Variants in BOLL observed in about 807,000 individuals in gnomAD.
The protein encoded by BOLL is protein boule-like.
BOLL carries 23 observed loss-of-function variants against 44.4 expected under a neutral mutation model. The observed-to-expected ratio is 0.52, with a 90% CI of 0.37 to 0.73. The LOEUF (loss-of-function observed/expected upper bound fraction) is 0.73, where lower values mean the gene tolerates loss of function less well. BOLL is among the 30% of genes least tolerant of loss of function. The probability of loss-of-function intolerance (pLI) is 0.00; values close to 1 mark genes in which losing one functional copy is unlikely to be tolerated. For missense variants in BOLL, 287 were observed against 338.3 expected (o/e 0.85, Z 1.19); for synonymous variants, 97 against 110.8 (o/e 0.88, Z 0.78).
intron 10 of BOLL, among the ~76,000 whole-genome samples, chr2:197,734,692 A>G (rs1384847662): frequency 6.6e-6 from 1 of 152,186 alleles, no homozygotes; most frequent in East Asian, 1.9e-4. Context: ...CATCATTCTC[A>G]GCAAACTATT....
Position 197,766,544 on chromosome 2 carries a change from T to G in BOLL, c.540A>C (p.Ala180=). Residue 180 remains alanine, a synonymous_variant, in exon 7 of 11, where the codon GCA becomes GCC. Coordinates refer to ENST00000392296, the MANE Select transcript of BOLL (RefSeq NM_033030.6). ...AATTTATGTTTACCTGGTAGTGATATGCAGGTTGCTGATAAATGGGCTGAG... is the reference window on the plus strand; with the variant it reads ...AATTTATGTTTACCTGGTAGTGATAGGCAGGTTGCTGATAAATGGGCTGAG... ...MVAQPIYQQP[A]YHYQATTQYL... 6.2e-7 allele frequency: 1 copy of G among 1,608,920 alleles called. No homozygotes were observed. The highest frequency in any genetic ancestry group is 8.5e-7 in the Non-Finnish European group (1 of 1,175,684).
chr2:197,762,570 A>G (rs999920170), intron 7 of BOLL, among the ~76,000 whole-genome samples: 7 of 152,220 alleles, frequency 4.6e-5, no homozygotes, highest in African/African-American at 1.7e-4. Flanking sequence ...TCTGACCACA[A>G]TGGAATAAAA....
At chr2:197,780,350 C>G (rs1689711370) in intron 2 of BOLL, among the ~76,000 whole-genome samples, 1 of 151,994 alleles carries the variant, frequency 6.6e-6, no homozygotes, top group African/African-American at 2.4e-5. Context: ...GGAGGAAGCC[C>G]TAGCAATTAC....
At chr2:197,770,916 C>A (rs1689221001) in intron 6 of BOLL, among the ~76,000 whole-genome samples, 1 of 152,100 alleles carries the variant, frequency 6.6e-6, no homozygotes, top group South Asian at 2.1e-4. Flanking sequence ...TAAACTAGTT[C>A]AACCATTGTG....
At chr2:197,764,954 T>C (rs558785731) in intron 7 of BOLL, among the ~76,000 whole-genome samples, 2 of 151,548 alleles carry the variant, frequency 1.3e-5, no homozygotes, top group East Asian at 3.9e-4. Context: ...AAGAGTACCA[T>C]GTGTTACAAA....
intron 7 of BOLL, among the ~76,000 whole-genome samples, chr2:197,763,752 C>G (rs997784412): frequency 7.2e-5 from 11 of 152,252 alleles, no homozygotes; most frequent in Non-Finnish European, 8.8e-5. Flanking sequence ...AACAGACGAC[C>G]TGTTGAATGG....
intron 9 of BOLL, among the ~76,000 whole-genome samples, chr2:197,753,450 AC>A (rs1272413362): frequency 6.6e-6 from 1 of 152,238 alleles, no homozygotes; most frequent in African/African-American, 2.4e-5. Flanking sequence ...CAAGAAAAAA[AC>A]AATCCCATCA....
chr2:197,749,364 G>C (rs1025296917), intron 9 of BOLL, among the ~76,000 whole-genome samples: 97 of 152,042 alleles, frequency 6.4e-4, no homozygotes, highest in African/African-American at 2.2e-3. Context: ...GCCAGCAAGG[G>C]AACAAAACTG....
chr2:197,777,385 T>C (rs781686303), intron 3 of BOLL, among the ~76,000 whole-genome samples: 1 of 151,864 alleles, frequency 6.6e-6, no homozygotes, highest in Non-Finnish European at 1.5e-5. Context: ...AAGAGATTCA[T>C]GCTGTTGCTT....
chr2:197,730,207 G>A (rs1475933262), intron 10 of BOLL, among the ~76,000 whole-genome samples: 1 of 134,718 alleles, frequency 7.4e-6, no homozygotes, highest in Non-Finnish European at 1.6e-5. Flanking sequence ...GGAAGAAAGG[G>A]TATCAGCGAT....
intron 6 of BOLL, among the ~76,000 whole-genome samples, chr2:197,767,677 T>C (rs1175820947): frequency 1.3e-5 from 2 of 151,926 alleles, no homozygotes; most frequent in Admixed American, 6.6e-5. Context: ...ATCATAACTA[T>C]GGGGAGCCTA....
intron 9 of BOLL, among the ~76,000 whole-genome samples, chr2:197,747,760 T>C (rs1021074674): frequency 1.3e-5 from 2 of 152,058 alleles, no homozygotes; most frequent in African/African-American, 2.4e-5. Context: ...AATGCTAATT[T>C]CTTAATCTTT....
chr2:197,781,694 A>G, intron 2 of BOLL, 28 bp downstream of exon 2: 1 of 1,455,656 alleles, frequency 6.9e-7, no homozygotes, highest in Non-Finnish European at 9.2e-7. Context: ...ATGAAAAAAT[A>G]CACTTTACTG....
At chr2:197,734,604 A>G (rs1687388279) in intron 10 of BOLL, among the ~76,000 whole-genome samples, 1 of 152,336 alleles carries the variant, frequency 6.6e-6, no homozygotes, top group East Asian at 1.9e-4. Context: ...TGTGGCAGAT[A>G]TACACCATGG....
intron 9 of BOLL, among the ~76,000 whole-genome samples, chr2:197,755,664 G>A (rs1320412165): frequency 1.3e-5 from 2 of 152,182 alleles, no homozygotes; most frequent in African/African-American, 2.4e-5. Flanking sequence ...AACACTGCAC[G>A]TTCTCACTTG....
intron 10 of BOLL, among the ~76,000 whole-genome samples, chr2:197,731,772 C>G (rs1468635120): frequency 6.6e-6 from 1 of 151,562 alleles, no homozygotes; most frequent in Admixed American, 6.6e-5. Context: ...CCAACGAGAG[C>G]AAAGACACAA....
chr2:197,746,976 T>C (rs1398193185), intron 9 of BOLL, among the ~76,000 whole-genome samples: 4 of 151,454 alleles, frequency 2.6e-5, no homozygotes, highest in Non-Finnish European at 5.9e-5. Context: ...ATGGGAGATG[T>C]TGGTCAAAGG....
intron 10 of BOLL, among the ~76,000 whole-genome samples, chr2:197,739,567 C>T (rs755321218): frequency 1.3e-5 from 2 of 152,138 alleles, no homozygotes; most frequent in African/African-American, 4.8e-5. Context: ...TCAAGCAATC[C>T]TCCTACCTTG....
At position 197,733,860 on chromosome 2, in the gene BOLL, T is replaced by C. The variant is rs540965632; in HGVS notation, c.829-5282A>G. The stretch of plus-strand genomic sequence containing the variant: ...GTTAGACGTAAAACCATAAAAACCC[T>C]AGAAGAAAACCTAGGCAATACCATT... On this transcript the variant is annotated intron_variant, in intron 10 of 10. Transcript: ENST00000392296. 2.6e-4 allele frequency among the ~76,000 whole-genome samples: 39 copies of C among 152,278 alleles called. 2 individuals are homozygous for C. In the East Asian group the frequency reaches 7.3e-3, roughly 29 times the overall value.
Sources: allele counts gnomAD v4.1 joint callset (sites outside exome capture counted in the v4.1 genomes callset), GRCh38; gene constraint gnomAD v4.1.1; transcripts MANE v1.5; gene names NCBI Gene and HGNC (gene_info 2026-07-23, HGNC 2026-07-21).